Variants in KRT32 observed in about 807,000 individuals in gnomAD.
KRT32 encodes keratin, type I cuticular Ha2.
A neutral mutation model predicts 41.8 loss-of-function variants in KRT32; 44 were observed. That is an observed-to-expected ratio of 1.05 (90% CI 0.83 to 1.35). The LOEUF (loss-of-function observed/expected upper bound fraction) is 1.35, where lower values mean the gene tolerates loss of function less well. Ranked by LOEUF, KRT32 falls within the 40% of genes most tolerant of loss-of-function variation. KRT32 has a pLI of 0.00. For synonymous variants in KRT32, 238 were observed against 242.5 expected, an observed-to-expected ratio of 0.98 and a Z score of 0.17; for missense variants, 576 against 584.6, an observed-to-expected ratio of 0.99 and a Z score of 0.15.
chr17:41,460,037 G>T lies in KRT32; in HGVS notation c.*73C>A, dbSNP rs1417319665. ...TTCCTTGCTGACCGGGGCTGGCCCTGCTCTTCTGGTGGCCACTGAATACCA... is the reference window on the plus strand; with the variant it reads ...TTCCTTGCTGACCGGGGCTGGCCCTTCTCTTCTGGTGGCCACTGAATACCA... On this transcript the variant is annotated 3_prime_UTR_variant, in exon 7 of 7. Transcript: ENST00000225899. 1 of 510,890 alleles carries T rather than the reference G, an allele frequency of 2.0e-6. No individual in the cohort carries two copies. The highest frequency in any genetic ancestry group is 2.6e-6 in the Non-Finnish European group (1 of 389,358). The allele number at this position is 510,890 out of a possible 1,614,324, so 31.6% of individuals were successfully genotyped here.
Position 41,466,991 on chromosome 17 carries a change from G to A in KRT32, c.335C>T (p.Thr112Met), listed in dbSNP as rs199791468. The A allele has an allele frequency of 2.5e-5, 41 of 1,614,234 alleles. No homozygotes were observed. Among genetic ancestry groups the A allele is most frequent in the Admixed American group, 1.5e-4 (9 of 60,026 alleles). The change falls in exon 1 of 7, where the codon ACG becomes ATG. Residue 112 changes from threonine (T) to methionine (M), a missense_variant. Physicochemically the swap from Thr to Met is moderately conservative, Grantham distance 81. Coordinates refer to ENST00000225899, the MANE Select transcript of KRT32 (RefSeq NM_002278.3). ...FLNDRLASYL[T>M]RVRQLEQENA... ...CTCCTGCTCCAGCTGCCGCACCCTC[G>A]TCAGGTAGCTGGCCAGGCGGTCGTT...
At chr17:41,461,222 G>A (rs531313476) in intron 6 of KRT32, among the ~76,000 whole-genome samples, 4 of 152,156 alleles carry the variant, frequency 2.6e-5, no homozygotes, top group East Asian at 3.8e-4. Context: ...CTGTCTCCCC[G>A]GCCAAGCAGT....
chr17:41,459,537 TG>T lies in KRT32; in HGVS notation c.*572del, dbSNP rs1171244129. On this transcript the variant is annotated 3_prime_UTR_variant, in exon 7 of 7. Coordinates refer to ENST00000225899, the MANE Select transcript of KRT32 (RefSeq NM_002278.3). ...ATGAGATTTAGGGGTGGGTTTATTA[TG>T]ATATGATTCTCAATTACAGTAATTT... is the stretch of plus-strand genomic sequence containing the variant. Among the ~76,000 whole-genome samples the T allele has an allele frequency of 3.9e-5, 6 of 151,904 alleles. No individual in the cohort carries two copies. Among genetic ancestry groups the T allele is most frequent in the African/African-American group, 1.5e-4 (6 of 41,144 alleles).
chr17:41,463,201 A>G, intron 5 of KRT32, 151 bp from the exon 6 acceptor site: 1 of 686,264 alleles, frequency 1.5e-6, no homozygotes, highest in East Asian at 2.7e-5. Context: ...AGAAAGGTCA[A>G]ATGACTTGTT....
rs1353971646 is a variant in KRT32, at chr17:41,459,614, ACTTGG to A, written c.*491_*495del. Reference sequence around the variant, plus strand: ...TCCCTCCTCTCTTTATTCTTTTATTACTTGGCTCTAGAGTAATTGATTAGTTTTAA... The same window carrying A: ...TCCCTCCTCTCTTTATTCTTTTATTACTCTAGAGTAATTGATTAGTTTTAA... On this transcript the variant is annotated 3_prime_UTR_variant, in exon 7 of 7. Coordinates refer to ENST00000225899, the MANE Select transcript of KRT32 (RefSeq NM_002278.3). Among the ~76,000 whole-genome samples the A allele has an allele frequency of 2.6e-5, 4 of 152,116 alleles. No homozygotes were observed. Among genetic ancestry groups the A allele is most frequent in the Non-Finnish European group, 5.9e-5 (4 of 68,008 alleles).
Position 41,462,994 on chromosome 17 carries a change from C to T in KRT32, c.1053G>A (p.Leu351=). The change falls in exon 6 of 7, where the codon CTG becomes CTA. Residue 351 remains leucine, a synonymous_variant. Transcript: ENST00000225899. ...TGGTGATCATGCACTGCATCTGGGC[C>T]AGCTGGGAGCTGTAGCGGGCCTCAC... is the stretch of plus-strand genomic sequence containing the variant. ...TESEARYSSQ[L]AQMQCMITNV... 6.2e-7 allele frequency: 1 copy of T among 1,614,144 alleles called. No homozygotes were observed. Among genetic ancestry groups the T allele is most frequent in the Non-Finnish European group, 8.5e-7 (1 of 1,179,992 alleles).
Position 41,464,161 on chromosome 17 carries a change from G to A in KRT32, c.913C>T (p.Leu305Phe). ...NQQVATSSEQ[L>F]QNYQSDIIDL... ...ATGATGTCTGACTGGTAGTTCTGAA[G>A]CTGCTCAGAGCTTGTGGCCACCTGT... The change falls in exon 5 of 7, where the codon CTT becomes TTT. Residue 305 changes from leucine to phenylalanine, a missense_variant. Physicochemically the swap from Leu to Phe is conservative, Grantham distance 22 (BLOSUM62 0). Coordinates refer to ENST00000225899, the MANE Select transcript of KRT32 (RefSeq NM_002278.3). The A allele has an allele frequency of 6.2e-7, 1 of 1,612,758 alleles. No individual in the cohort carries two copies. Among genetic ancestry groups the A allele is most frequent in the Admixed American group, 1.7e-5 (1 of 59,854 alleles).
Position 41,467,220 on chromosome 17 carries a change from A to G in KRT32, c.106T>C (p.Cys36Arg), listed in dbSNP as rs750929265. ...ATGGGCTGGCAGACATAGCCCAGGC[A>G]CAGCTCAGGCCGGCAGTTCACGCCG... ...SSGVNCRPEL[C>R]LGYVCQPMAC... Residue 36 changes from cysteine to arginine, a missense_variant, in exon 1 of 7, where the codon TGC becomes CGC. Physicochemically the swap from Cys to Arg is radical, Grantham distance 180. Coordinates refer to ENST00000225899, the MANE Select transcript of KRT32 (RefSeq NM_002278.3). 3 of 1,613,856 alleles carry G rather than the reference A, an allele frequency of 1.9e-6. No homozygotes were observed. Among genetic ancestry groups the G allele is most frequent in the Non-Finnish European group, 2.5e-6 (3 of 1,180,026 alleles).
At position 41,465,814 on chromosome 17, in the gene KRT32, G is replaced by A. The variant is rs1036499092; in HGVS notation, c.667C>T (p.Leu223=). 1.2e-6 allele frequency: 2 copies of A among 1,613,450 alleles called. No individual in the cohort carries two copies. Among genetic ancestry groups the A allele is most frequent in the Non-Finnish European group, 1.7e-6 (2 of 1,179,620 alleles). ...TTGAGGCACATCAGCTCCTCCTTCAGGGACTCAACCTGGGCCTCCAGGTCA... is the reference window on the plus strand; with the variant it reads ...TTGAGGCACATCAGCTCCTCCTTCAAGGACTCAACCTGGGCCTCCAGGTCA... ...KADLEAQVES[L]KEELMCLKKN... is the part of the protein sequence containing the mutation. Residue 223 remains leucine (L), a synonymous_variant, in exon 3 of 7, where the codon CTG becomes TTG. Transcript: ENST00000225899.
In KRT32 at chr17:41,462,981, A is replaced by C. The variant is rs1407324821; in HGVS notation, c.1066T>G (p.Cys356Gly). Residue 356 changes from cysteine (C) to glycine (G), a missense_variant, in exon 6 of 7, where the codon TGC (cysteine) becomes GGC (glycine). Physicochemically the swap from Cys to Gly is radical, Grantham distance 159. Coordinates refer to ENST00000225899, the MANE Select transcript of KRT32 (RefSeq NM_002278.3). ...RYSSQLAQMQ[C>G]MITNVEAQLA... Reference sequence around the variant, plus strand: ...TGGGCCTCAACGTTGGTGATCATGCACTGCATCTGGGCCAGCTGGGAGCTG... The same window carrying C: ...TGGGCCTCAACGTTGGTGATCATGCCCTGCATCTGGGCCAGCTGGGAGCTG... 1 of 1,613,916 alleles carries C rather than the reference A, an allele frequency of 6.2e-7. No homozygotes were observed. Among genetic ancestry groups the C allele is most frequent in the Non-Finnish European group, 8.5e-7 (1 of 1,179,926 alleles).
chr17:41,464,366 G>C lies in KRT32; in HGVS notation c.786C>G (p.Thr262=). The C allele has an allele frequency of 6.2e-7, 1 of 1,612,438 alleles. No homozygotes were observed. The change falls in exon 4 of 7, where the codon ACC becomes ACG. Residue 262 remains threonine (T), a synonymous_variant. Coordinates refer to ENST00000225899, the MANE Select transcript of KRT32 (RefSeq NM_002278.3). ...EVDAAPPVDL[T]RVLEEMRCQY... ...GACACCGCATCTCCTCCAGCACCCT[G>C]GTCAGGTCCACCGGGGGTGCAGCGT...
At chr17:41,466,712 G>A (rs1229578801) in intron 1 of KRT32, 146 bp downstream of exon 1, 2 of 630,596 alleles carry the variant, frequency 3.2e-6, no homozygotes. Flanking sequence ...CTCAGGCTGA[G>A]TGCTCAAATT....
Position 41,462,930 on chromosome 17 carries a change from C to G in KRT32, c.1117G>C (p.Glu373Gln), listed in dbSNP as rs374154992. ...ACCTGGTACTCCTGGTTCTGCCGCT[C>G]CAGGTCAGCCCGGATCTCAGCCAGC... ...AQLAEIRADL[E>Q]RQNQEYQVLL... The change falls in exon 6 of 7, where the codon GAG becomes CAG. Residue 373 changes from glutamate (E) to glutamine (Q), a missense_variant. Glu to Gln is a conservative substitution (Grantham distance 29). Transcript: ENST00000225899. 1.2e-5 allele frequency: 20 copies of G among 1,614,034 alleles called. No individual in the cohort carries two copies. Among genetic ancestry groups the G allele is most frequent in the Admixed American group, 8.3e-5 (5 of 60,002 alleles).
At chr17:41,464,855 G>A (rs1028147509) in intron 3 of KRT32, among the ~76,000 whole-genome samples, 3 of 152,324 alleles carry the variant, frequency 2.0e-5, no homozygotes, top group East Asian at 1.9e-4. Flanking sequence ...TGCCAAAGAG[G>A]GAAAGTTGTC....
chr17:41,466,523 G>C (rs1274156664), intron 1 of KRT32, among the ~76,000 whole-genome samples: 1 of 152,190 alleles, frequency 6.6e-6, no homozygotes, highest in Non-Finnish European at 1.5e-5. Flanking sequence ...GCTGTTCCAA[G>C]CACTTGACCT....
At position 41,465,859 on chromosome 17, in the gene KRT32, C is replaced by A. The variant is rs1353099824; in HGVS notation, c.622G>T (p.Asp208Tyr). The change falls in exon 3 of 7, where the codon GAT becomes TAT. Residue 208 changes from aspartate (D) to tyrosine (Y), a missense_variant. By Grantham distance (160) the Asp-to-Tyr change is radical. Coordinates refer to ENST00000225899, the MANE Select transcript of KRT32 (RefSeq NM_002278.3). Reference sequence around the variant, plus strand: ...AGGTCAGCCTTGCACAGAGTGAGATCATCCAGGATCCTGCGCAGGCCATTG... The same window carrying A: ...AGGTCAGCCTTGCACAGAGTGAGATAATCCAGGATCCTGCGCAGGCCATTG... The part of the protein sequence containing the change: ...DINGLRRILD[D>Y]LTLCKADLEA... 2 of 1,614,100 alleles carry A rather than the reference C, an allele frequency of 1.2e-6. No homozygotes were observed. Among genetic ancestry groups the A allele is most frequent in the Admixed American group, 3.3e-5 (2 of 60,022 alleles).
rs367787893 is a variant in KRT32 at position 41,460,174 on chromosome 17, C to T, written c.1283G>A (p.Arg428His). The T allele has an allele frequency of 6.8e-6, 11 of 1,613,078 alleles. No individual in the cohort carries two copies. The highest frequency in any genetic ancestry group is 4.5e-5 in the East Asian group (2 of 44,862). Residue 428 changes from arginine to histidine, a missense_variant, in exon 7 of 7, where the codon CGC (arginine) becomes CAC (histidine). Transcript: ENST00000225899. The stretch of plus-strand genomic sequence containing the variant: ...AACAGTGCGTGGCACACAGACGGTG[C>T]GGGGCACGCATGGGGAGGGCACACA... ...TTCVPSPCVP[R>H]TVCVPRTVGM...
At chr17:41,461,992 T>C (rs1187584328) in intron 6 of KRT32, among the ~76,000 whole-genome samples, 1 of 152,214 alleles carries the variant, frequency 6.6e-6, no homozygotes, top group African/African-American at 2.4e-5. Context: ...CAGGGCCTCC[T>C]GGACAGTTTC....
intron 1 of KRT32, among the ~76,000 whole-genome samples, chr17:41,466,613 A>C (rs1407882802): frequency 6.6e-6 from 1 of 152,220 alleles, no homozygotes; most frequent in Non-Finnish European, 1.5e-5. Context: ...GAGAAAACTG[A>C]GGCCTGGGGA....
Sources: gnomAD v4.1 joint callset for allele counts (sites outside exome capture counted in the v4.1 genomes callset) on GRCh38, gnomAD v4.1.1 for gene constraint, MANE v1.5 for transcripts, NCBI Gene and HGNC (gene_info 2026-07-23, HGNC 2026-07-21) for gene names.